Variants in FBXL17 observed in about 807,000 individuals in gnomAD.
FBXL17 encodes the protein F-box/LRR-repeat protein 17.
A neutral mutation model predicts 66.2 loss-of-function variants in FBXL17; 22 were observed. That is an observed-to-expected ratio of 0.33 (90% confidence interval 0.24 to 0.47). FBXL17 has a LOEUF of 0.47. Ranked by LOEUF, FBXL17 falls within the 20% of genes least tolerant of loss-of-function variation. The pLI is 1.00. For synonymous variants in FBXL17, 474 were observed against 400.5 expected (o/e 1.18, Z -2.19); for missense variants, 878 against 948.2 (o/e 0.93, Z 0.97).
In FBXL17 at chr5:108,194,225, A is replaced by G. The variant is rs1022007370; in HGVS notation, c.1615-7978T>C. Among the ~76,000 whole-genome samples the G allele has an allele frequency of 2.0e-5, 3 of 152,110 alleles. No homozygotes were observed. In the South Asian group the frequency reaches 6.2e-4, roughly 32 times the overall value. ...GAAGTTGTTCTCACTACGCTCGGTG[A>G]ACTGTGCTTATTATTTTAAAACTGC... On this transcript the variant is annotated intron_variant, in intron 5 of 8. Transcript: ENST00000542267.
chr5:108,376,568 C>T (rs1385666084), intron 1 of FBXL17, among the ~76,000 whole-genome samples: 1 of 152,068 alleles, frequency 6.6e-6, no homozygotes, highest in Non-Finnish European at 1.5e-5. Flanking sequence ...TCATCATATT[C>T]TCCTGTAATT....
intron 5 of FBXL17, among the ~76,000 whole-genome samples, chr5:108,192,330 C>T (rs1753501183): frequency 6.6e-6 from 1 of 152,152 alleles, no homozygotes; most frequent in African/African-American, 2.4e-5. Flanking sequence ...CTAAATGTTT[C>T]ACTCCAATTT....
intron 4 of FBXL17, among the ~76,000 whole-genome samples, chr5:108,347,644 A>C (rs1023738916): frequency 2.0e-4 from 30 of 152,342 alleles, no homozygotes; most frequent in Admixed American, 6.5e-4. Context: ...ATAGAGATAG[A>C]AAGTAGATTA....
At chr5:108,075,979 T>C (rs1414991247) in intron 6 of FBXL17, among the ~76,000 whole-genome samples, 7 of 152,222 alleles carry the variant, frequency 4.6e-5, no homozygotes. Flanking sequence ...TCCCAAATGT[T>C]TTTCAAATCC....
chr5:108,241,318 T>A (rs1387162656), intron 4 of FBXL17, among the ~76,000 whole-genome samples: 1 of 152,176 alleles, frequency 6.6e-6, no homozygotes, highest in Admixed American at 6.5e-5. Context: ...TATATTTTTT[T>A]AAATTGAGCA....
chr5:108,356,751 T>C (rs1466677324), intron 3 of FBXL17, among the ~76,000 whole-genome samples: 1 of 152,070 alleles, frequency 6.6e-6, no homozygotes, highest in Non-Finnish European at 1.5e-5. Flanking sequence ...GGTAGATACA[T>C]GTCATTATAT....
chr5:108,013,193 T>C (rs1754251269), intron 7 of FBXL17, among the ~76,000 whole-genome samples: 1 of 152,154 alleles, frequency 6.6e-6, no homozygotes. Context: ...TTAGTAGTGA[T>C]AACCCAAAGT....
chr5:108,236,775 A>T (rs1159235091), intron 4 of FBXL17, among the ~76,000 whole-genome samples: 1 of 152,166 alleles, frequency 6.6e-6, no homozygotes, highest in Non-Finnish European at 1.5e-5. Flanking sequence ...TAATTTTTTC[A>T]TCTCTTGCAG....
chr5:108,006,035 T>C (rs1452297752), intron 7 of FBXL17, among the ~76,000 whole-genome samples: 2 of 152,238 alleles, frequency 1.3e-5, no homozygotes, highest in African/African-American at 4.8e-5. Context: ...GGCTCTTGTC[T>C]TGCTGAGCAC....
At chr5:107,888,901 A>T (rs902427256) in intron 7 of FBXL17, among the ~76,000 whole-genome samples, 6 of 152,148 alleles carry the variant, frequency 3.9e-5, no homozygotes, top group Admixed American at 1.3e-4. Flanking sequence ...TAACTTTATT[A>T]AAAAAACTGC....
chr5:108,366,074 A>G (rs1167727233), intron 2 of FBXL17, among the ~76,000 whole-genome samples: 1 of 152,152 alleles, frequency 6.6e-6, no homozygotes, highest in Non-Finnish European at 1.5e-5. Flanking sequence ...CACAGCGTGT[A>G]AGTTTTTAAT....
chr5:108,360,942 C>A (rs927946092), intron 3 of FBXL17, among the ~76,000 whole-genome samples: 2 of 152,064 alleles, frequency 1.3e-5, no homozygotes, highest in South Asian at 2.1e-4. Flanking sequence ...TAATTTCTAG[C>A]TCTTCATTGA....
intron 7 of FBXL17, among the ~76,000 whole-genome samples, chr5:107,958,842 C>T (rs1200466275): frequency 6.6e-6 from 1 of 152,078 alleles, no homozygotes; most frequent in Admixed American, 6.6e-5. Context: ...GGAAAATAAT[C>T]CTGTCATAAT....
intron 6 of FBXL17, among the ~76,000 whole-genome samples, chr5:108,056,138 C>T (rs750285265): frequency 1.1e-4 from 16 of 152,142 alleles, no homozygotes; most frequent in Non-Finnish European, 2.2e-4. Context: ...TTCTTTTATA[C>T]CCTACACACA....
intron 7 of FBXL17, among the ~76,000 whole-genome samples, chr5:107,983,395 T>C (rs1289030770): frequency 6.6e-6 from 1 of 151,938 alleles, no homozygotes; most frequent in African/African-American, 2.4e-5. Context: ...GGTCTTGCTA[T>C]GTTGCCCAGG....
intron 5 of FBXL17, among the ~76,000 whole-genome samples, chr5:108,207,331 GT>G (rs559063983): frequency 2.8e-4 from 42 of 148,246 alleles, no homozygotes; most frequent in East Asian, 1.6e-3. Flanking sequence ...ATATGCAAGT[GT>G]TTTTTTTTTA....
In FBXL17 at chr5:108,182,748, G is replaced by C. The variant is rs183467637; in HGVS notation, c.1745+3369C>G. 7.2e-5 allele frequency among the ~76,000 whole-genome samples: 11 copies of C among 152,136 alleles called. No individual in the cohort carries two copies. The East Asian group carries it at 2.1e-3, about 29-fold the overall frequency. ...TTTGAGTACATGAAGCCTAACAAAG[G>C]GAAGGAAAGGCAAAGTGAGAGCTCT... On this transcript the variant is annotated intron_variant, in intron 6 of 8. Coordinates refer to ENST00000542267, the MANE Select transcript of FBXL17 (RefSeq NM_001163315.3).
intron 7 of FBXL17, among the ~76,000 whole-genome samples, chr5:107,887,385 C>T (rs11958297): frequency 0.025 from 3,770 of 152,196 alleles, 167 homozygotes; most frequent in African/African-American, 0.085. Context: ...GTCATACAAG[C>T]GCATTAACAA....
intron 4 of FBXL17, among the ~76,000 whole-genome samples, chr5:108,231,959 G>A (rs1351559269): frequency 1.3e-5 from 2 of 151,778 alleles, no homozygotes; most frequent in African/African-American, 4.8e-5. Flanking sequence ...TGAAGGTTTG[G>A]GTCACTGTAC....
Sources: allele counts gnomAD v4.1 joint callset (sites outside exome capture counted in the v4.1 genomes callset), GRCh38; gene constraint gnomAD v4.1.1; transcripts MANE v1.5; gene names NCBI Gene and HGNC (gene_info 2026-07-23, HGNC 2026-07-21).